Variants in SOX5 observed in about 807,000 individuals in gnomAD.
SOX5 encodes SRY-box transcription factor 5.
Under a neutral mutation model 92.0 loss-of-function variants are expected in SOX5, and 9 were observed. The observed-to-expected ratio is 0.10, with a 90% confidence interval of 0.06 to 0.17. The LOEUF (loss-of-function observed/expected upper bound fraction) is 0.17, where lower values mean the gene tolerates loss of function less well. SOX5 is among the 10% of genes least tolerant of loss of function. The pLI, the probability that SOX5 is intolerant of heterozygous loss-of-function variation, is 1.00. For missense variants in SOX5, 642 were observed against 944.5 expected (o/e 0.68, Z 4.20); for synonymous variants, 344 against 336.3 (o/e 1.02, Z -0.25).
At position 23,563,250 on chromosome 12, in the gene SOX5, G is replaced by C. The variant is rs759478527; in HGVS notation, c.1488+8C>G. 2 of 1,599,726 alleles carry C rather than the reference G, an allele frequency of 1.3e-6. No individual in the cohort carries two copies. The highest frequency in any genetic ancestry group is 2.3e-5 in the South Asian group (2 of 88,568). On this transcript the variant is annotated splice_region_variant and intron_variant, in intron 11 of 14. Coordinates refer to ENST00000451604, the MANE Select transcript of SOX5 (RefSeq NM_006940.6). ...ATTTCTAGAAAGTAAGTTATTTTAT[G>C]AACTGACCTTTTCTGTTCGGCAGTT...
At chr12:23,900,915 G>A (rs1018279269) in intron 1 of SOX5, among the ~76,000 whole-genome samples, 10 of 152,044 alleles carry the variant, frequency 6.6e-5, no homozygotes, top group East Asian at 1.9e-4. Flanking sequence ...AGCTGAGATC[G>A]CGCCACTGCT....
chr12:23,725,991 G>A (rs893803635), intron 6 of SOX5, among the ~76,000 whole-genome samples: 2 of 152,016 alleles, frequency 1.3e-5, no homozygotes, highest in Non-Finnish European at 2.9e-5. Context: ...TTCCTTCAAG[G>A]GAAAACTAGG....
At chr12:23,635,068 C>T (rs1466092755) in intron 8 of SOX5, among the ~76,000 whole-genome samples, 1 of 152,082 alleles carries the variant, frequency 6.6e-6, no homozygotes, top group Non-Finnish European at 1.5e-5. Context: ...AACATTCTAC[C>T]AGCAATGTGA....
At chr12:24,021,180 G>A (rs896909992) in intron 4 of SOX5, among the ~76,000 whole-genome samples, 4 of 150,496 alleles carry the variant, frequency 2.7e-5, no homozygotes, top group Admixed American at 1.3e-4. Flanking sequence ...GGAAGGTACA[G>A]TCCAGGAGAT....
intron 6 of SOX5, among the ~76,000 whole-genome samples, chr12:23,688,366 ACT>A (rs938334677): frequency 9.9e-5 from 15 of 152,074 alleles, no homozygotes; most frequent in African/African-American, 3.4e-4. Context: ...GTTCTGATAC[ACT>A]CTCAGTATTG....
At chr12:23,816,988 C>T (rs965880718) in intron 3 of SOX5, among the ~76,000 whole-genome samples, 6 of 152,152 alleles carry the variant, frequency 3.9e-5, no homozygotes, top group African/African-American at 1.4e-4. Flanking sequence ...ATATAGATTA[C>T]ATTTTAAGAG....
At chr12:24,115,833 T>C (rs1947928902) in intron 4 of SOX5, among the ~76,000 whole-genome samples, 1 of 152,190 alleles carries the variant, frequency 6.6e-6, no homozygotes, top group Non-Finnish European at 1.5e-5. Flanking sequence ...AACATCATTA[T>C]GTTTTTTAGA....
chr12:23,889,246 T>G (rs1422800717), intron 2 of SOX5, among the ~76,000 whole-genome samples: 2 of 152,194 alleles, frequency 1.3e-5, no homozygotes, highest in African/African-American at 4.8e-5. Context: ...TATGCTAAGT[T>G]TGACGTACAA....
intron 8 of SOX5, among the ~76,000 whole-genome samples, chr12:23,632,827 T>C (rs2078723584): frequency 6.6e-6 from 1 of 152,142 alleles, no homozygotes; most frequent in South Asian, 2.1e-4. Context: ...TTTTCTCTAT[T>C]CCAGAGAATG....
rs2074793758 is a variant in SOX5, at chr12:23,603,445, A to AATATATATATATATATATAAAATATATAT, written c.1164+941_1164+942insATATATATTTTATATATATATATATATAT. 2.4e-5 allele frequency among the ~76,000 whole-genome samples: 3 copies of AATATATATATATATATATAAAATATATAT among 124,858 alleles called. 1 individual carries two copies. The highest frequency in any genetic ancestry group is 5.5e-5 in the Non-Finnish European group (3 of 54,900). The allele number at this position is 124,858 out of a possible 152,430, so 81.9% of individuals were successfully genotyped here. On this transcript the variant is annotated intron_variant, in intron 9 of 14. Transcript: ENST00000451604. Reference sequence around the variant, plus strand: ...TTCAGCAAAATAAATATATATATAAAATATATATATATATATATATATTTT... The same window carrying AATATATATATATATATATAAAATATATAT: ...TTCAGCAAAATAAATATATATATAAAATATATATATATATATATAAAATATATATATATATATATATATATATATATTTT...
At chr12:24,356,543 T>C (rs987336857) in intron 2 of SOX5, among the ~76,000 whole-genome samples, 30 of 152,158 alleles carry the variant, frequency 2.0e-4, no homozygotes, top group African/African-American at 7.0e-4. Context: ...TCCTGATGTA[T>C]GCATTCATCT....
intron 6 of SOX5, among the ~76,000 whole-genome samples, chr12:23,721,568 T>C (rs1272950361): frequency 6.6e-6 from 1 of 152,192 alleles, no homozygotes; most frequent in Non-Finnish European, 1.5e-5. Context: ...GCTCCTTATC[T>C]TAACTGAGGA....
chr12:24,235,794 T>C (rs1964364872), intron 3 of SOX5, among the ~76,000 whole-genome samples: 2 of 152,234 alleles, frequency 1.3e-5, no homozygotes, highest in Non-Finnish European at 2.9e-5. Flanking sequence ...TTAAAATTTT[T>C]TTAAATAAAG....
At chr12:23,714,641 A>C (rs1178856618) in intron 6 of SOX5, among the ~76,000 whole-genome samples, 1 of 152,156 alleles carries the variant, frequency 6.6e-6, no homozygotes, top group Non-Finnish European at 1.5e-5. Flanking sequence ...CAAACAACAA[A>C]AAAAACCCAC....
At chr12:24,374,336 T>C (rs1265237178) in intron 1 of SOX5, among the ~76,000 whole-genome samples, 1 of 152,060 alleles carries the variant, frequency 6.6e-6, no homozygotes, top group Non-Finnish European at 1.5e-5. Flanking sequence ...GTTTTTAGTC[T>C]TGTGTCCATC....
chr12:23,858,411 C>T (rs562531180), intron 2 of SOX5, among the ~76,000 whole-genome samples: 177 of 152,102 alleles, frequency 1.2e-3, no homozygotes, highest in African/African-American at 4.1e-3. Flanking sequence ...CAAAAGAAGA[C>T]GCACATGCAC....
At chr12:23,651,672 G>A (rs991365951) in intron 7 of SOX5, among the ~76,000 whole-genome samples, 2 of 152,002 alleles carry the variant, frequency 1.3e-5, no homozygotes, top group Non-Finnish European at 2.9e-5. Context: ...TGGATCACTG[G>A]GGAAAGAATC....
intron 7 of SOX5, among the ~76,000 whole-genome samples, chr12:23,659,241 A>G (rs1025692764): frequency 3.3e-5 from 5 of 152,216 alleles, no homozygotes; most frequent in African/African-American, 1.2e-4. Context: ...AACATGTGAC[A>G]TTAACTAAAA....
At chr12:23,747,253 T>C (rs2094017125) in intron 4 of SOX5, among the ~76,000 whole-genome samples, 1 of 152,138 alleles carries the variant, frequency 6.6e-6, no homozygotes, top group South Asian at 2.1e-4. Flanking sequence ...TATTACTCCT[T>C]AATCCAGGCC....
Sources: gnomAD v4.1 joint callset for allele counts (sites outside exome capture counted in the v4.1 genomes callset) on GRCh38, gnomAD v4.1.1 for gene constraint, MANE v1.5 for transcripts, NCBI Gene and HGNC (gene_info 2026-07-23, HGNC 2026-07-21) for gene names.